Variants in AK5 observed in about 807,000 individuals in gnomAD.
AK5 encodes the protein adenylate kinase 5.
AK5 carries 27 observed loss-of-function variants against 69.5 expected under a neutral mutation model. The observed-to-expected ratio is 0.39, with a 90% CI of 0.29 to 0.54. The LOEUF is 0.54. AK5 is among the 20% of genes least tolerant of loss of function. The pLI is 0.71. For synonymous variants in AK5, 260 were observed against 244.4 expected, an observed-to-expected ratio of 1.06 and a Z score of -0.60; for missense variants, 531 against 700.4, an observed-to-expected ratio of 0.76 and a Z score of 2.73.
chr1:77,367,554 T>TATATATATATATATATATATA (rs59508312), intron 6 of AK5, among the ~76,000 whole-genome samples: 507 of 28,586 alleles, frequency 0.018, 42 homozygotes, highest in Non-Finnish European at 0.031. Context: ...ATTTATGTTA[T>TATATATATATATATATATATA]TTTTATATAT....
intron 6 of AK5, among the ~76,000 whole-genome samples, chr1:77,358,715 G>A (rs542426485): frequency 6.6e-6 from 1 of 151,922 alleles, no homozygotes; most frequent in Admixed American, 6.6e-5. Context: ...ATTTGAAAAT[G>A]AGTCATGCTT....
rs181712259 is a variant in AK5, at chr1:77,345,063, A to G, written c.891+4495A>G. ...CAGAATGCATTCAAAACTTTGTGCC[A>G]TTAGATGTTCTATTCAGCCAGAAAA... is the stretch of plus-strand genomic sequence containing the variant. On this transcript the variant is annotated intron_variant, in intron 6 of 13. Transcript: ENST00000354567. 2.8e-3 allele frequency among the ~76,000 whole-genome samples: 432 copies of G among 152,032 alleles called. 1 individual carries two copies. Among genetic ancestry groups the G allele is most frequent in the African/African-American group, 0.01 (415 of 41,500 alleles).
intron 13 of AK5, among the ~76,000 whole-genome samples, chr1:77,557,645 T>A: frequency 6.6e-6 from 1 of 152,182 alleles, no homozygotes; most frequent in South Asian, 2.1e-4. Flanking sequence ...TGCTTTCTTC[T>A]CCACATCTCT....
chr1:77,376,560 A>G lies in AK5; in HGVS notation c.892-34421A>G, dbSNP rs115665508. 8.7e-3 allele frequency among the ~76,000 whole-genome samples: 1,322 copies of G among 152,030 alleles called. 24 individuals carry two copies. Among genetic ancestry groups the G allele is most frequent in the African/African-American group, 0.03 (1,232 of 41,466 alleles). On this transcript the variant is annotated intron_variant, in intron 6 of 13. Transcript: ENST00000354567. ...TGATTTTTTTTCTCTTTGATTTTCA[A>G]AAAGAACCATTAACATTTTAATGTT...
At chr1:77,551,725 T>C (rs1455392078) in intron 13 of AK5, among the ~76,000 whole-genome samples, 1 of 152,058 alleles carries the variant, frequency 6.6e-6, no homozygotes, top group East Asian at 1.9e-4. Context: ...CAGAATCCCT[T>C]CTCCTTCCAT....
At chr1:77,494,546 T>C (rs1398022473) in intron 10 of AK5, among the ~76,000 whole-genome samples, 2 of 152,186 alleles carry the variant, frequency 1.3e-5, no homozygotes, top group Non-Finnish European at 2.9e-5. Context: ...ACAAAATCTC[T>C]GTCAACTCCA....
chr1:77,430,240 AAG>A (rs1338575566), intron 8 of AK5, among the ~76,000 whole-genome samples: 1 of 152,110 alleles, frequency 6.6e-6, no homozygotes, highest in Non-Finnish European at 1.5e-5. Context: ...GACAGAGAGA[AAG>A]AGGTGTATTT....
chr1:77,345,525 T>C (rs2054018), intron 6 of AK5, among the ~76,000 whole-genome samples: 14,274 of 152,210 alleles, frequency 0.094, 817 homozygotes, highest in East Asian at 0.2. Context: ...GAGATGACTT[T>C]TTAATTTTAC....
chr1:77,529,385 G>A (rs1036072588), intron 12 of AK5, among the ~76,000 whole-genome samples: 1 of 149,962 alleles, frequency 6.7e-6, no homozygotes, highest in Admixed American at 6.6e-5. Flanking sequence ...ACAGGCTGGA[G>A]TGCAATGGCG....
intron 6 of AK5, among the ~76,000 whole-genome samples, chr1:77,368,250 T>TATATATGTTATATATATTATAG (rs1647046387): frequency 1.3e-5 from 1 of 75,246 alleles, no homozygotes. Context: ...TATATATATA[T>TATATATGTTATATATATTATAG]ATAATATATA....
chr1:77,528,712 T>C (rs1490216923), intron 12 of AK5, among the ~76,000 whole-genome samples: 1 of 152,226 alleles, frequency 6.6e-6, no homozygotes, highest in African/African-American at 2.4e-5. Flanking sequence ...TGTATGCATG[T>C]AGATGTGTGT....
chr1:77,535,940 G>A lies in AK5; in HGVS notation c.1522G>A (p.Asp508Asn). 6.2e-7 allele frequency: 1 copy of A among 1,613,922 alleles called. No homozygotes were observed. The highest frequency in any genetic ancestry group is 8.5e-7 in the Non-Finnish European group (1 of 1,180,000). Residue 508 changes from aspartate to asparagine, a missense_variant, in exon 13 of 14, where the codon GAC becomes AAC. Coordinates refer to ENST00000354567, the MANE Select transcript of AK5 (RefSeq NM_174858.3). ...AAGGAGCCGGAGCAGCCTGCCTGTG[G>A]ACGACACCACCAAGACCATCGCCAA... Reference protein sequence around the residue: ...LQRSRSSLPVDDTTKTIAKRL... With the variant: ...LQRSRSSLPVNDTTKTIAKRL...
chr1:77,391,080 T>G (rs1648391096), intron 6 of AK5, among the ~76,000 whole-genome samples: 2 of 152,120 alleles, frequency 1.3e-5, no homozygotes, highest in Admixed American at 1.3e-4. Context: ...GGGAGTTCTC[T>G]CAGAAGACAC....
At position 77,328,871 on chromosome 1, in the gene AK5, A is replaced by G. The variant is rs966665729; in HGVS notation, c.700-11506A>G. On this transcript the variant is annotated intron_variant, in intron 5 of 13. Coordinates refer to ENST00000354567, the MANE Select transcript of AK5 (RefSeq NM_174858.3). ...ACCACAGCCTGGGTAATTTATAAAG[A>G]ACGGAAGTGAATATGGCTTATGGTT... 2.0e-5 allele frequency among the ~76,000 whole-genome samples: 3 copies of G among 152,212 alleles called. No individual in the cohort carries two copies. The East Asian group carries it at 5.8e-4, about 29-fold the overall frequency.
intron 8 of AK5, among the ~76,000 whole-genome samples, chr1:77,427,418 C>T (rs1211487803): frequency 6.6e-6 from 1 of 152,058 alleles, no homozygotes; most frequent in African/African-American, 2.4e-5. Context: ...CTTTGAAAGA[C>T]ACAGCCAAAA....
intron 5 of AK5, among the ~76,000 whole-genome samples, chr1:77,310,524 C>T (rs1202643518): frequency 1.5e-4 from 23 of 152,008 alleles, no homozygotes; most frequent in Non-Finnish European, 7.4e-5. Flanking sequence ...GGACTACAGG[C>T]ACTCGCAACC....
chr1:77,302,120 A>G (rs1659374506), intron 5 of AK5, among the ~76,000 whole-genome samples: 1 of 152,006 alleles, frequency 6.6e-6, no homozygotes, highest in African/African-American at 2.4e-5. Context: ...GGCTGGTTTC[A>G]AACTCCTGGC....
intron 11 of AK5, among the ~76,000 whole-genome samples, chr1:77,520,041 A>C (rs927046775): frequency 1.3e-5 from 2 of 151,962 alleles, no homozygotes; most frequent in South Asian, 2.1e-4. Context: ...ATCTCTACTA[A>C]AACTACAAAA....
chr1:77,475,193 A>ATG (rs1373657527), intron 8 of AK5, among the ~76,000 whole-genome samples: 6 of 10,286 alleles, frequency 5.8e-4, no homozygotes, highest in African/African-American at 1.8e-3. Flanking sequence ...ATATATATAT[A>ATG]TATGTGTGTG....
Sources: allele counts gnomAD v4.1 joint callset (sites outside exome capture counted in the v4.1 genomes callset), GRCh38; gene constraint gnomAD v4.1.1; transcripts MANE v1.5; gene names NCBI Gene and HGNC (gene_info 2026-07-23, HGNC 2026-07-21).